Variants in CREB1 observed in about 807,000 individuals in gnomAD.
CREB1 encodes cyclic AMP-responsive element-binding protein 1.
CREB1 carries 2 observed loss-of-function variants against 42.0 expected under a neutral mutation model. The observed-to-expected ratio is 0.05, with a 90% CI of 0.02 to 0.15. CREB1 has a LOEUF of 0.15. CREB1 is among the 10% of genes least tolerant of loss of function. The pLI, the probability that CREB1 is intolerant of heterozygous loss-of-function variation, is 1.00. For synonymous variants in CREB1, 123 were observed against 139.9 expected (o/e 0.88, Z 0.85); for missense variants, 199 against 388.9 (o/e 0.51, Z 4.11).
At chr2:207,580,287 G>T (rs1236321098) in intron 7 of CREB1, among the ~76,000 whole-genome samples, 5 of 152,164 alleles carry the variant, frequency 3.3e-5, no homozygotes. Context: ...GCCATCTTCT[G>T]CTGTGCCTCT....
chr2:207,555,710 G>A lies in CREB1; in HGVS notation c.75G>A (p.Met25Ile), dbSNP rs370037055. 2.5e-5 allele frequency: 41 copies of A among 1,613,564 alleles called. No individual in the cohort carries two copies. Among genetic ancestry groups the A allele is most frequent in the African/African-American group, 5.3e-5 (4 of 74,892 alleles). The change falls in exon 2 of 8, where the codon ATG becomes ATA. Residue 25 changes from methionine to isoleucine, a missense_variant. Met to Ile is a conservative substitution (Grantham distance 10, BLOSUM62 1). Coordinates refer to ENST00000353267, the MANE Select transcript of CREB1 (RefSeq NM_004379.5). ...AAVTEAENQQ[M>I]TVQAQPQIAT... ...TAACAGAAGCTGAAAACCAACAAAT[G>A]ACAGTTCAAGCCCAGCCACAGATTG...
At position 207,600,238 on chromosome 2, in the gene CREB1, C is replaced by CAT. The variant is rs71036937; in HGVS notation, c.*3204_*3205dup. ...GTGGCATTTGTATAATATATGTGTA[C>CAT]ATATATATATATATATATATATATA... On this transcript the variant is annotated 3_prime_UTR_variant, in exon 8 of 8. Transcript: ENST00000353267. 0.32 allele frequency: 47,139 copies of CAT among 145,178 alleles called. 8,395 individuals are homozygous for CAT. Among genetic ancestry groups the CAT allele is most frequent in the East Asian group, 0.45 (2,737 of 6,080 alleles). 9.0% of individuals were successfully genotyped at this position (145,178 alleles called of 1,614,324 possible).
Position 207,602,106 on chromosome 2 carries a change from G to A in CREB1, c.*5048G>A. The A allele has an allele frequency of 4.9e-6, 1 of 204,898 alleles. No individual in the cohort carries two copies. Among genetic ancestry groups the A allele is most frequent in the Non-Finnish European group, 1.0e-5 (1 of 100,100 alleles). The allele number at this position is 204,898 out of a possible 1,614,324, so 12.7% of individuals were successfully genotyped here. Reference sequence around the variant, plus strand: ...GCTTATGATAAGTTCTTATTGATTAGTGAATGTAGCTTAAGCCTTTGTATG... The same window carrying A: ...GCTTATGATAAGTTCTTATTGATTAATGAATGTAGCTTAAGCCTTTGTATG... On this transcript the variant is annotated 3_prime_UTR_variant, in exon 8 of 8. Transcript: ENST00000353267.
At chr2:207,587,176 A>G (rs1408640113) in intron 7 of CREB1, among the ~76,000 whole-genome samples, 2 of 152,070 alleles carry the variant, frequency 1.3e-5, no homozygotes, top group Admixed American at 6.6e-5. Context: ...GGTGGATCAC[A>G]AGGTCAGGAG....
At chr2:207,587,207 C>CA (rs1210070363) in intron 7 of CREB1, among the ~76,000 whole-genome samples, 1 of 152,044 alleles carries the variant, frequency 6.6e-6, no homozygotes, top group Non-Finnish European at 1.5e-5. Flanking sequence ...TCCTGGCTAA[C>CA]ACGGTGAAAC....
chr2:207,539,619 C>T lies in CREB1; in HGVS notation c.-9+9485C>T, dbSNP rs911077683. Among the ~76,000 whole-genome samples, 77 of 152,118 alleles carry T rather than the reference C, an allele frequency of 5.1e-4. 1 individual carries two copies. The highest frequency in any genetic ancestry group is 1.9e-4 in the Non-Finnish European group (13 of 68,022). ...AGCCTGACTATATGGCTCCTACCCT[C>T]AAGAATCTTACGGTATAGTAGGGAT... On this transcript the variant is annotated intron_variant, in intron 1 of 7. Transcript: ENST00000353267.
chr2:207,596,152 T>C (rs1340415572), intron 7 of CREB1, among the ~76,000 whole-genome samples: 3 of 152,202 alleles, frequency 2.0e-5, no homozygotes, highest in Non-Finnish European at 4.4e-5. Flanking sequence ...GTGTACAACA[T>C]AAGGTGCGGC....
At chr2:207,567,775 TCTG>T (rs2082196673) in intron 4 of CREB1, 2 of 325,496 alleles carry the variant, frequency 6.1e-6, no homozygotes, top group Admixed American at 4.4e-5. Context: ...TTTTTTTTTT[TCTG>T]TTTCTGTTTC....
intron 1 of CREB1, among the ~76,000 whole-genome samples, chr2:207,540,283 T>C (rs945875446): frequency 6.6e-6 from 1 of 152,178 alleles, no homozygotes; most frequent in African/African-American, 2.4e-5. Context: ...TGGAAGGCTG[T>C]GATGTTGACA....
In CREB1 at chr2:207,559,465, C is replaced by T. The variant is rs2081870462; in HGVS notation, c.115-761C>T. Among the ~76,000 whole-genome samples, 7 of 152,278 alleles carry T rather than the reference C, an allele frequency of 4.6e-5. No homozygotes were observed. The South Asian group carries it at 1.4e-3, about 32-fold the overall frequency. ...CCAATAATTTATTTGAGGTCAGAGA[C>T]CCCTATCTTTCTCACTTTTGTAGTT... On this transcript the variant is annotated intron_variant, in intron 2 of 7. Transcript: ENST00000353267.
At chr2:207,531,025 G>A (rs1320955065) in intron 1 of CREB1, among the ~76,000 whole-genome samples, 1 of 151,482 alleles carries the variant, frequency 6.6e-6, no homozygotes, top group Non-Finnish European at 1.5e-5. Flanking sequence ...GGGAGAAAGG[G>A]TGCTAAGAAA....
At chr2:207,555,570 A>T in intron 1 of CREB1, 58 bp from the exon 2 acceptor site, 2 of 1,101,446 alleles carry the variant, frequency 1.8e-6, no homozygotes, top group Non-Finnish European at 1.3e-6. Context: ...ATTTGCCTTT[A>T]AAGTCACGAA....
chr2:207,564,478 C>T (rs904860677), intron 3 of CREB1, among the ~76,000 whole-genome samples: 2 of 151,500 alleles, frequency 1.3e-5, no homozygotes, highest in Admixed American at 6.6e-5. Flanking sequence ...CACTGCACTC[C>T]AGCCTCGGTG....
intron 5 of CREB1, chr2:207,571,709 G>A (rs1230422722): frequency 8.8e-6 from 4 of 454,504 alleles, no homozygotes; most frequent in African/African-American, 4.0e-5. Flanking sequence ...ATTGATACAT[G>A]ATGTTTATTT....
chr2:207,536,875 A>T (rs1484278057), intron 1 of CREB1, among the ~76,000 whole-genome samples: 5 of 152,044 alleles, frequency 3.3e-5, no homozygotes, highest in Non-Finnish European at 5.9e-5. Context: ...CTGTAGTCCC[A>T]GCTGCTTGGG....
chr2:207,549,773 G>T (rs1160318189), intron 1 of CREB1, among the ~76,000 whole-genome samples: 1 of 152,124 alleles, frequency 6.6e-6, no homozygotes. Flanking sequence ...ACAAGGTCAG[G>T]AGATCGAGAC....
chr2:207,534,563 A>G (rs1224083297), intron 1 of CREB1: 1 of 152,202 alleles, frequency 6.6e-6, no homozygotes, highest in Non-Finnish European at 1.5e-5. Context: ...GCTACAACAA[A>G]TCCAAAGATG....
chr2:207,564,368 A>C (rs2082062952), intron 3 of CREB1, among the ~76,000 whole-genome samples: 1 of 152,020 alleles, frequency 6.6e-6, no homozygotes, highest in African/African-American at 2.4e-5. Context: ...ATTAGCTGGG[A>C]GTGGTAGTGC....
chr2:207,532,520 A>G (rs773894754), intron 1 of CREB1, among the ~76,000 whole-genome samples: 12 of 151,620 alleles, frequency 7.9e-5, no homozygotes, highest in Non-Finnish European at 1.8e-4. Flanking sequence ...TAAAAATACA[A>G]AAATTAGCTG....
Sources: allele counts gnomAD v4.1 joint callset (sites outside exome capture counted in the v4.1 genomes callset), GRCh38; gene constraint gnomAD v4.1.1; transcripts MANE v1.5; gene names NCBI Gene and HGNC (gene_info 2026-07-23, HGNC 2026-07-21).